The following AGMO variants were observed in gnomAD, a reference collection of about 807,000 sequenced individuals.
AGMO encodes the protein glyceryl-ether monooxygenase.
A neutral mutation model predicts 60.2 loss-of-function variants in AGMO; 75 were observed. The ratio of observed to expected loss-of-function variants is 1.25; its 90% CI spans 1.03 to 1.51. AGMO has a LOEUF of 1.51. Ranked by LOEUF, AGMO falls within the 40% of genes most tolerant of loss-of-function variation. The probability of loss-of-function intolerance (pLI) is 0.00; values close to 1 mark genes in which losing one functional copy is unlikely to be tolerated. For missense variants in AGMO, 763 were observed against 525.5 expected, an observed-to-expected ratio of 1.45 and a Z score of -4.42; for synonymous variants, 261 against 177.1, an observed-to-expected ratio of 1.47 and a Z score of -3.76.
intron 12 of AGMO, among the ~76,000 whole-genome samples, chr7:15,347,660 G>C (rs984991972): frequency 6.6e-6 from 1 of 151,916 alleles, no homozygotes; most frequent in Non-Finnish European, 1.5e-5. Context: ...AATTTTTCAA[G>C]AGAAACCACT....
At chr7:15,535,944 G>A (rs965770742) in intron 3 of AGMO, among the ~76,000 whole-genome samples, 1 of 69,418 alleles carries the variant, frequency 1.4e-5, no homozygotes, top group East Asian at 2.0e-4. Context: ...TATAATATAC[G>A]TGGGTACTCA....
intron 3 of AGMO, among the ~76,000 whole-genome samples, chr7:15,535,203 G>T (rs1784458336): frequency 6.6e-6 from 1 of 151,664 alleles, no homozygotes; most frequent in South Asian, 2.1e-4. Context: ...TGTCTCTCGG[G>T]GATGGATTTA....
At chr7:15,200,120 AATT>A (rs1347431856), downstream of AGMO, among the ~76,000 whole-genome samples, 25 of 151,992 alleles carry the variant, frequency 1.6e-4, no homozygotes, top group African/African-American at 5.8e-4. Context: ...TGATTATTTA[AATT>A]ATTAAATTTT....
chr7:15,551,529 C>G (rs569592982), intron 2 of AGMO, among the ~76,000 whole-genome samples: 5,837 of 149,564 alleles, frequency 0.039, 372 homozygotes, highest in African/African-American at 0.14. Flanking sequence ...CAACAACAGA[C>G]AAACAGAGAG....
intron 12 of AGMO, among the ~76,000 whole-genome samples, chr7:15,351,407 T>C (rs1483656312): frequency 6.6e-6 from 1 of 152,156 alleles, no homozygotes; most frequent in Non-Finnish European, 1.5e-5. Context: ...TAAACCCCTA[T>C]ATTTAACAGT....
chr7:15,352,087 T>C (rs1345055667), intron 12 of AGMO, among the ~76,000 whole-genome samples: 1 of 152,210 alleles, frequency 6.6e-6, no homozygotes, highest in African/African-American at 2.4e-5. Flanking sequence ...AAATAACAAA[T>C]GCTCTTTTAC....
At chr7:15,276,293 A>G (rs1017923525) in intron 12 of AGMO, among the ~76,000 whole-genome samples, 1 of 151,778 alleles carries the variant, frequency 6.6e-6, no homozygotes, top group African/African-American at 2.4e-5. Flanking sequence ...TATGATGCAC[A>G]GTTTGGCAGG....
At chr7:15,193,263 T>C in the AGMO span, among the ~76,000 whole-genome samples, 4 of 152,132 alleles carry the variant, frequency 2.6e-5, no homozygotes, top group African/African-American at 7.2e-5. Context: ...TTTTCTCTTA[T>C]TAAGTGATAT....
At chr7:15,338,463 T>C (rs1479726977) in intron 12 of AGMO, among the ~76,000 whole-genome samples, 1 of 101,272 alleles carries the variant, frequency 9.9e-6, no homozygotes, top group Non-Finnish European at 1.9e-5. Flanking sequence ...TGTGATGCTC[T>C]GATCTTATTT....
At chr7:15,476,467 G>C (rs557316408) in intron 3 of AGMO, among the ~76,000 whole-genome samples, 1 of 152,074 alleles carries the variant, frequency 6.6e-6, no homozygotes, top group African/African-American at 2.4e-5. Context: ...ACATGGATAA[G>C]GGCGGTGGTT....
At position 15,211,356 on chromosome 7, in the gene AGMO, G is replaced by A. The variant is rs537209117; in HGVS notation, c.1264-9997C>T. 9.0e-4 allele frequency among the ~76,000 whole-genome samples: 137 copies of A among 152,116 alleles called. 1 individual carries two copies. Among genetic ancestry groups the A allele is most frequent in the African/African-American group, 3.2e-3 (134 of 41,556 alleles). On this transcript the variant is annotated intron_variant, in intron 12 of 12. Transcript: ENST00000342526. ...ATTGTAAGTAGATTTTGGAACATGAGAGATTTTAGTCAACTCTTTCTCGTT... is the reference window on the plus strand; with the variant it reads ...ATTGTAAGTAGATTTTGGAACATGAAAGATTTTAGTCAACTCTTTCTCGTT...
intron 10 of AGMO, among the ~76,000 whole-genome samples, chr7:15,372,990 G>A (rs1459990190): frequency 1.3e-5 from 2 of 152,020 alleles, no homozygotes; most frequent in Admixed American, 6.6e-5. Context: ...TCACTACTGT[G>A]TGGTGGCTCA....
chr7:15,128,857 G>C, the AGMO span, among the ~76,000 whole-genome samples: 1 of 152,050 alleles, frequency 6.6e-6, no homozygotes, highest in Non-Finnish European at 1.5e-5. Flanking sequence ...GCTTGCTGTA[G>C]CTAGGGAGTC....
At chr7:15,167,744 C>A in the AGMO span, among the ~76,000 whole-genome samples, 2 of 152,192 alleles carry the variant, frequency 1.3e-5, no homozygotes, top group Non-Finnish European at 2.9e-5. Context: ...TTGGCATCAT[C>A]AACCTGTCTT....
chr7:15,465,194 G>T (rs187591232), intron 3 of AGMO, among the ~76,000 whole-genome samples: 1 of 151,808 alleles, frequency 6.6e-6, no homozygotes, highest in African/African-American at 2.4e-5. Context: ...TACCTATTGC[G>T]AGCCGAACTC....
At chr7:15,389,331 G>A (rs1323604089) in intron 8 of AGMO, among the ~76,000 whole-genome samples, 1 of 152,010 alleles carries the variant, frequency 6.6e-6, no homozygotes, top group African/African-American at 2.4e-5. Flanking sequence ...ACTGCAATAA[G>A]GAGACAACTC....
chr7:15,365,149 C>T (rs1472074440), intron 12 of AGMO, among the ~76,000 whole-genome samples: 1 of 151,856 alleles, frequency 6.6e-6, no homozygotes, highest in Non-Finnish European at 1.5e-5. Context: ...ACCTTAAAAG[C>T]TTTAAAAAAA....
the AGMO span, among the ~76,000 whole-genome samples, chr7:15,167,587 T>G: frequency 1.2e-3 from 177 of 152,306 alleles, 1 homozygote; most frequent in East Asian, 0.028. Context: ...TTTTAGCCAT[T>G]CACTAGGTTC....
intron 10 of AGMO, among the ~76,000 whole-genome samples, chr7:15,373,920 GC>G (rs1783337775): frequency 6.6e-6 from 1 of 152,094 alleles, no homozygotes; most frequent in Admixed American, 6.6e-5. Flanking sequence ...GGCTAATATT[GC>G]CTAACACTGA....
Sources: allele counts gnomAD v4.1 joint callset (sites outside exome capture counted in the v4.1 genomes callset), GRCh38; gene constraint gnomAD v4.1.1; transcripts MANE v1.5; gene names NCBI Gene and HGNC (gene_info 2026-07-23, HGNC 2026-07-21).